The following GLIS1 variants were observed in gnomAD, a reference collection of about 807,000 sequenced individuals.
GLIS1 encodes zinc finger protein GLIS1.
GLIS1 carries 24 observed loss-of-function variants against 63.8 expected under a neutral mutation model. The ratio of observed to expected loss-of-function variants is 0.38; its 90% CI spans 0.27 to 0.53. GLIS1 has a LOEUF of 0.53. GLIS1 is among the 20% of genes least tolerant of loss of function. The pLI is 0.85. For missense variants in GLIS1, 1,036 were observed against 1,074.1 expected (o/e 0.96, Z 0.50); for synonymous variants, 450 against 482.5 (o/e 0.93, Z 0.88).
intron 2 of GLIS1, among the ~76,000 whole-genome samples, chr1:53,634,001 C>T (rs1645697915): frequency 6.6e-6 from 1 of 152,126 alleles, no homozygotes; most frequent in African/African-American, 2.4e-5. Flanking sequence ...AGTGCAGAGG[C>T]ATCGGGATTT....
intron 2 of GLIS1, among the ~76,000 whole-genome samples, chr1:53,619,158 C>T (rs963842434): frequency 6.6e-6 from 1 of 152,216 alleles, no homozygotes. Flanking sequence ...CCTGCCTGGT[C>T]TGGCCTGGTT....
At chr1:53,563,337 G>A (rs923476541) in intron 4 of GLIS1, among the ~76,000 whole-genome samples, 1 of 152,234 alleles carries the variant, frequency 6.6e-6, no homozygotes, top group African/African-American at 2.4e-5. Flanking sequence ...AATGTGTAAG[G>A]AGTGAAAGGG....
intron 2 of GLIS1, among the ~76,000 whole-genome samples, chr1:53,635,227 C>G (rs1037820806): frequency 2.6e-5 from 4 of 151,850 alleles, no homozygotes; most frequent in African/African-American, 9.7e-5. Context: ...CTTAGGAAAC[C>G]GACCGTGGAC....
At chr1:53,701,868 C>T (rs977359607) in intron 2 of GLIS1, among the ~76,000 whole-genome samples, 4 of 151,920 alleles carry the variant, frequency 2.6e-5, no homozygotes, top group South Asian at 2.1e-4. Flanking sequence ...TGGTGGGCGC[C>T]TGTGGTCCCA....
chr1:53,725,818 T>A (rs1347358598), intron 2 of GLIS1, among the ~76,000 whole-genome samples: 1 of 152,198 alleles, frequency 6.6e-6, no homozygotes, highest in Non-Finnish European at 1.5e-5. Context: ...CATTCCCCCA[T>A]TTTAAAAGGG....
chr1:53,600,333 A>AG (rs1645303840), intron 2 of GLIS1, 55 bp from the exon 3 acceptor site: 1 of 1,172,958 alleles, frequency 8.5e-7, no homozygotes, highest in African/African-American at 1.6e-5. Flanking sequence ...CAGCCTGCAG[A>AG]GGGGTATGGG....
chr1:53,637,984 T>C (rs550647526), intron 2 of GLIS1, among the ~76,000 whole-genome samples: 2 of 152,286 alleles, frequency 1.3e-5, no homozygotes, highest in East Asian at 3.9e-4. Context: ...TGGACACCCA[T>C]GGGAGATGTT....
At chr1:53,570,968 T>C (rs1644978596) in intron 4 of GLIS1, among the ~76,000 whole-genome samples, 1 of 151,900 alleles carries the variant, frequency 6.6e-6, no homozygotes, top group Admixed American at 6.6e-5. Context: ...ATTCCACTCA[T>C]GAAAATGAAA....
intron 4 of GLIS1, among the ~76,000 whole-genome samples, chr1:53,555,648 T>C (rs12035642): frequency 0.15 from 22,206 of 152,300 alleles, 2,385 homozygotes; most frequent in East Asian, 0.54. Context: ...ACACATTACA[T>C]GCCTGTATCA....
Position 53,594,333 on chromosome 1 carries a change from C to A in GLIS1, c.1095G>T (p.Val365=). 1 of 1,611,694 alleles carries A rather than the reference C, an allele frequency of 6.2e-7. No individual in the cohort carries two copies. Among genetic ancestry groups the A allele is most frequent in the Non-Finnish European group, 8.5e-7 (1 of 1,179,384 alleles). ...AGCGGCACGCCTGCCGCCCGGCCAC[C>A]ACCCTGCCTGCCAGGCCCAGCCCCA... ...GGLGLGLAGR[V]VAGRQACRWV... The change falls in exon 4 of 11, where the codon GTG becomes GTT. Residue 365 remains valine, a synonymous_variant. Transcript: ENST00000628545.
chr1:53,613,912 T>G (rs1645451394), intron 2 of GLIS1, among the ~76,000 whole-genome samples: 1 of 152,370 alleles, frequency 6.6e-6, no homozygotes, highest in South Asian at 2.1e-4. Context: ...TGAATTTGCC[T>G]CATCACAAGT....
chr1:53,738,600 C>A (rs913544383), intron 1 of GLIS1, among the ~76,000 whole-genome samples: 2 of 152,204 alleles, frequency 1.3e-5, no homozygotes, highest in African/African-American at 4.8e-5. Context: ...GGGACCCGAA[C>A]CCAAAGGCCC....
In GLIS1 at chr1:53,568,349, T is replaced by C. The variant is rs140828539; in HGVS notation, c.1320+25759A>G. Among the ~76,000 whole-genome samples the C allele has an allele frequency of 3.0e-3, 454 of 152,344 alleles. 2 individuals are homozygous for C. The highest frequency in any genetic ancestry group is 0.011 in the African/African-American group (439 of 41,576). On this transcript the variant is annotated intron_variant, in intron 4 of 10. Coordinates refer to ENST00000628545, the MANE Select transcript of GLIS1 (RefSeq NM_001367484.1). Reference sequence around the variant, plus strand: ...CCCAATGCCTGTAGCCCCTATTGTATATTGAAAGTAACAAACTTATTTTTT... The same window carrying C: ...CCCAATGCCTGTAGCCCCTATTGTACATTGAAAGTAACAAACTTATTTTTT...
intron 4 of GLIS1, among the ~76,000 whole-genome samples, chr1:53,551,368 C>T (rs1557445442): frequency 6.6e-6 from 1 of 152,208 alleles, no homozygotes. Flanking sequence ...ACTGTGGTGG[C>T]CCATCTGCAC....
intron 2 of GLIS1, among the ~76,000 whole-genome samples, chr1:53,632,367 TGA>T (rs958389520): frequency 1.4e-5 from 2 of 140,800 alleles, no homozygotes; most frequent in East Asian, 4.4e-4. Context: ...TGAATGGGAC[TGA>T]GGGGTGTGTG....
chr1:53,691,549 C>A (rs1197545222), intron 2 of GLIS1, among the ~76,000 whole-genome samples: 8 of 152,160 alleles, frequency 5.3e-5, no homozygotes, highest in Non-Finnish European at 8.8e-5. Flanking sequence ...CATGCTCTCC[C>A]ACGTCCATGA....
At chr1:53,723,373 G>T (rs1646775773) in intron 2 of GLIS1, among the ~76,000 whole-genome samples, 1 of 151,496 alleles carries the variant, frequency 6.6e-6, no homozygotes, top group African/African-American at 2.4e-5. Context: ...CGAGTAGCTG[G>T]GATCACAGGT....
intron 2 of GLIS1, among the ~76,000 whole-genome samples, chr1:53,689,945 C>T (rs769335816): frequency 1.3e-5 from 2 of 152,190 alleles, no homozygotes; most frequent in Non-Finnish European, 2.9e-5. Context: ...ACGTAGTGAG[C>T]GGAATGCCTT....
chr1:53,601,945 A>G (rs1419563731), intron 2 of GLIS1, among the ~76,000 whole-genome samples: 1 of 152,194 alleles, frequency 6.6e-6, no homozygotes, highest in Non-Finnish European at 1.5e-5. Context: ...AGCACGTTCC[A>G]GTCTGTGGAT....
Sources: gnomAD v4.1 joint callset for allele counts (sites outside exome capture counted in the v4.1 genomes callset) on GRCh38, gnomAD v4.1.1 for gene constraint, MANE v1.5 for transcripts, NCBI Gene and HGNC (gene_info 2026-07-23, HGNC 2026-07-21) for gene names.